Variants in PPP1R9A observed in about 807,000 individuals in gnomAD.
PPP1R9A encodes the protein protein phosphatase 1 regulatory subunit 9A.
PPP1R9A carries 59 observed loss-of-function variants against 141.9 expected under a neutral mutation model. The observed-to-expected ratio is 0.42, with a 90% CI of 0.34 to 0.52. The LOEUF is 0.52. Ranked by LOEUF, PPP1R9A falls within the 20% of genes least tolerant of loss-of-function variation. PPP1R9A has a pLI of 0.10. For missense variants in PPP1R9A, 1,444 were observed against 1,611.9 expected (o/e 0.90, Z 1.78); for synonymous variants, 500 against 569.7 (o/e 0.88, Z 1.74).
intron 4 of PPP1R9A, among the ~76,000 whole-genome samples, chr7:95,132,899 C>T (rs1824923372): frequency 6.6e-6 from 1 of 152,136 alleles, no homozygotes; most frequent in African/African-American, 2.4e-5. Flanking sequence ...ACAGCTCTCA[C>T]CCAGAGAGTC....
At chr7:95,116,855 A>G (rs1040612367) in intron 3 of PPP1R9A, among the ~76,000 whole-genome samples, 2 of 152,312 alleles carry the variant, frequency 1.3e-5, no homozygotes, top group Middle Eastern at 3.4e-3. Context: ...AAAAGATGTT[A>G]GTATGTGTGA....
chr7:94,977,837 A>G (rs187072237), intron 2 of PPP1R9A, among the ~76,000 whole-genome samples: 90 of 147,450 alleles, frequency 6.1e-4, no homozygotes, highest in African/African-American at 2.3e-3. Flanking sequence ...ATCTCGGCTC[A>G]CTGCAACCAC....
intron 2 of PPP1R9A, among the ~76,000 whole-genome samples, chr7:95,072,119 T>C (rs1434353728): frequency 1.3e-5 from 2 of 151,034 alleles, no homozygotes; most frequent in African/African-American, 4.8e-5. Context: ...TATATTCATG[T>C]TAAATCCATA....
chr7:95,045,912 A>G (rs1408012550), intron 2 of PPP1R9A, among the ~76,000 whole-genome samples: 9 of 152,246 alleles, frequency 5.9e-5, no homozygotes, highest in Non-Finnish European at 8.8e-5. Context: ...GCAACAGAAA[A>G]TAGTTAATTA....
Position 95,294,751 on chromosome 7 carries a change from G to A in PPP1R9A, c.*4448G>A, listed in dbSNP as rs1344483654. On this transcript the variant is annotated 3_prime_UTR_variant, in exon 20 of 20. Coordinates refer to ENST00000433360, the MANE Select transcript of PPP1R9A (RefSeq NM_001166160.2). ...AAGTTGGAGGGGCAAAGAGAAAGCC[G>A]ACAGAATCAGCTTCTCCTGGAAAGT... 1 of 152,204 alleles carries A rather than the reference G, an allele frequency of 6.6e-6. No homozygotes were observed. The highest frequency in any genetic ancestry group is 2.1e-4 in the South Asian group (1 of 4,824). The allele number at this position is 152,204 out of a possible 1,614,324, so 9.4% of individuals were successfully genotyped here. A position where few individuals can be genotyped will look rare whatever the true frequency, so the allele number is the denominator to read the frequency against.
At chr7:94,974,965 T>C (rs1799264001) in intron 2 of PPP1R9A, among the ~76,000 whole-genome samples, 1 of 152,132 alleles carries the variant, frequency 6.6e-6, no homozygotes, top group Admixed American at 6.5e-5. Context: ...GAGAGGAAAG[T>C]TTATAGTATC....
At chr7:95,120,386 C>T (rs981091157) in intron 3 of PPP1R9A, among the ~76,000 whole-genome samples, 6 of 152,080 alleles carry the variant, frequency 3.9e-5, no homozygotes, top group African/African-American at 7.2e-5. Flanking sequence ...TACTCTTACG[C>T]CTAAAATAAT....
chr7:95,025,310 C>G (rs1239465144), intron 2 of PPP1R9A, among the ~76,000 whole-genome samples: 22 of 152,176 alleles, frequency 1.4e-4, no homozygotes, highest in Non-Finnish European at 4.4e-5. Context: ...CGTGATCCAC[C>G]CTCCTCAGCC....
intron 2 of PPP1R9A, among the ~76,000 whole-genome samples, chr7:95,102,201 A>G (rs1459843703): frequency 6.6e-6 from 1 of 152,208 alleles, no homozygotes; most frequent in Non-Finnish European, 1.5e-5. Flanking sequence ...ACATAATAAT[A>G]TCTTCTAGAT....
intron 2 of PPP1R9A, among the ~76,000 whole-genome samples, chr7:95,058,102 T>G (rs959702327): frequency 2.0e-5 from 3 of 152,204 alleles, no homozygotes; most frequent in Non-Finnish European, 1.5e-5. Context: ...GAATGAGTAC[T>G]GTAAATAATC....
intron 4 of PPP1R9A, among the ~76,000 whole-genome samples, chr7:95,160,868 A>G (rs1268339907): frequency 6.6e-6 from 1 of 152,106 alleles, no homozygotes; most frequent in Non-Finnish European, 1.5e-5. Context: ...ATTCTTTTTT[A>G]TGGCTACATA....
At chr7:95,123,121 C>T (rs1822929375) in intron 4 of PPP1R9A, among the ~76,000 whole-genome samples, 1 of 151,540 alleles carries the variant, frequency 6.6e-6, no homozygotes, top group Non-Finnish European at 1.5e-5. Context: ...TAAACATAGA[C>T]ATATTTATTT....
intron 2 of PPP1R9A, among the ~76,000 whole-genome samples, chr7:95,022,410 T>G (rs1584316102): frequency 6.6e-6 from 1 of 151,936 alleles, no homozygotes; most frequent in Non-Finnish European, 1.5e-5. Context: ...AATATACAAT[T>G]ATGTCATCTG....
rs2116250335 is a variant in PPP1R9A at position 95,295,688 on chromosome 7, T to C, written c.*5385T>C. Reference sequence around the variant, plus strand: ...CTTCTGTTTCTTTCAGCTGTATTATTTATACACCCAGGTTTTCTGTTAAGG... The same window carrying C: ...CTTCTGTTTCTTTCAGCTGTATTATCTATACACCCAGGTTTTCTGTTAAGG... On this transcript the variant is annotated 3_prime_UTR_variant, in exon 20 of 20. Coordinates refer to ENST00000433360, the MANE Select transcript of PPP1R9A (RefSeq NM_001166160.2). 6.6e-6 allele frequency: 1 copy of C among 152,332 alleles called. No homozygotes were observed. Among genetic ancestry groups the C allele is most frequent in the South Asian group, 2.1e-4 (1 of 4,832 alleles). 9.4% of individuals were successfully genotyped at this position (152,332 alleles called of 1,614,324 possible). A position where few individuals can be genotyped will look rare whatever the true frequency, so the allele number is the denominator to read the frequency against.
At chr7:95,053,421 G>T (rs1811078823) in intron 2 of PPP1R9A, among the ~76,000 whole-genome samples, 1 of 152,050 alleles carries the variant, frequency 6.6e-6, no homozygotes, top group South Asian at 2.1e-4. Context: ...AACTGGCTCT[G>T]GGGAAATTTC....
At chr7:95,221,178 C>G (rs1794398178) in intron 7 of PPP1R9A, among the ~76,000 whole-genome samples, 1 of 152,118 alleles carries the variant, frequency 6.6e-6, no homozygotes, top group Admixed American at 6.6e-5. Flanking sequence ...CAATAGCGGT[C>G]ACTCGTTTTG....
intron 2 of PPP1R9A, among the ~76,000 whole-genome samples, chr7:94,916,812 G>A (rs1043006775): frequency 6.7e-6 from 1 of 149,366 alleles, no homozygotes; most frequent in Non-Finnish European, 1.5e-5. Flanking sequence ...TTTTTTGTTT[G>A]TTTTTTGTTT....
intron 8 of PPP1R9A, among the ~76,000 whole-genome samples, chr7:95,242,582 T>C (rs1797604742): frequency 6.7e-6 from 1 of 149,628 alleles, no homozygotes; most frequent in South Asian, 2.1e-4. Context: ...GCATGTTCTG[T>C]ATTCATCTTT....
intron 2 of PPP1R9A, among the ~76,000 whole-genome samples, chr7:95,089,747 CTT>C (rs200627297): frequency 8.8e-4 from 132 of 150,332 alleles, no homozygotes; most frequent in Middle Eastern, 3.4e-3. Flanking sequence ...ATTAAACTAA[CTT>C]ATAATATTAC....
Sources: allele counts gnomAD v4.1 joint callset (sites outside exome capture counted in the v4.1 genomes callset), GRCh38; gene constraint gnomAD v4.1.1; transcripts MANE v1.5; gene names NCBI Gene and HGNC (gene_info 2026-07-23, HGNC 2026-07-21).